The following CCDC73 variants were observed in gnomAD, a reference collection of about 807,000 sequenced individuals.
The protein encoded by CCDC73 is coiled-coil domain-containing protein 73.
CCDC73 carries 95 observed loss-of-function variants against 116.5 expected under a neutral mutation model. The ratio of observed to expected loss-of-function variants is 0.82; its 90% CI spans 0.69 to 0.97. The LOEUF (loss-of-function observed/expected upper bound fraction) is 0.97. CCDC73 is among the 50% of genes least tolerant of loss of function. The pLI, the probability that CCDC73 is intolerant of heterozygous loss-of-function variation, is 0.00. For synonymous variants in CCDC73, 398 were observed against 401.3 expected (o/e 0.99, Z 0.10); for missense variants, 1,066 against 1,206.8 (o/e 0.88, Z 1.73).
At chr11:32,722,982 A>G (rs551400958) in intron 2 of CCDC73, among the ~76,000 whole-genome samples, 2 of 152,324 alleles carry the variant, frequency 1.3e-5, no homozygotes, top group Admixed American at 1.3e-4. Flanking sequence ...ATCTGTCTCC[A>G]AAGTCTCTTA....
At chr11:32,830,082 G>T in the CCDC73 span, 3 of 989,662 alleles carry the variant, frequency 3.0e-6, no homozygotes, top group Non-Finnish European at 2.4e-6. Context: ...AGGTTTGAGG[G>T]CGCCGGAGAC....
At chr11:32,611,073 C>T in intron 17 of CCDC73, 59 bp downstream of exon 17, 2 of 1,567,084 alleles carry the variant, frequency 1.3e-6, no homozygotes, top group Non-Finnish European at 1.7e-6. Context: ...TACAGTTCTA[C>T]ACATATCTGT....
chr11:32,710,939 A>G (rs1849895463), intron 3 of CCDC73, among the ~76,000 whole-genome samples: 1 of 152,236 alleles, frequency 6.6e-6, no homozygotes, highest in Non-Finnish European at 1.5e-5. Context: ...CAGACAACCC[A>G]CAGAGTGGGA....
intron 1 of CCDC73, among the ~76,000 whole-genome samples, chr11:32,792,200 G>T (rs1850682881): frequency 1.3e-5 from 2 of 151,866 alleles, no homozygotes; most frequent in African/African-American, 2.4e-5. Context: ...GTCTAGTGCA[G>T]TAAAACTGTA....
At chr11:32,681,674 G>A (rs1856147011) in intron 7 of CCDC73, 1 of 152,050 alleles carries the variant, frequency 6.6e-6, no homozygotes, top group Non-Finnish European at 1.5e-5. Context: ...CTTCACACTA[G>A]TGGCTATCTT....
chr11:32,612,473 G>A (rs1241364155), intron 16 of CCDC73, among the ~76,000 whole-genome samples: 2 of 151,578 alleles, frequency 1.3e-5, no homozygotes, highest in East Asian at 1.9e-4. Context: ...TTTTCAGGCC[G>A]GGTGTGGTGG....
chr11:32,692,366 G>A (rs924420611), intron 6 of CCDC73, among the ~76,000 whole-genome samples: 20 of 152,086 alleles, frequency 1.3e-4, no homozygotes, highest in Non-Finnish European at 2.5e-4. Flanking sequence ...ATGCATAAAT[G>A]TATAAACTCA....
At chr11:32,666,447 G>A (rs1482320826) in intron 9 of CCDC73, among the ~76,000 whole-genome samples, 2 of 151,950 alleles carry the variant, frequency 1.3e-5, no homozygotes, top group African/African-American at 2.4e-5. Flanking sequence ...CCAGTTAATC[G>A]AATCGGCTAC....
rs1850693878 is a variant in CCDC73 at position 32,793,417 on chromosome 11, CT to C, written c.-16+1195del. Among the ~76,000 whole-genome samples, 29 of 152,104 alleles carry C rather than the reference CT, an allele frequency of 1.9e-4. 2 individuals are homozygous for C. On this transcript the variant is annotated intron_variant, in intron 1 of 17. Transcript: ENST00000335185. ...AGAGAGCCATAGGAATTTATCACAACTAAAGCAAAATAACCAATAATCATCA... is the reference window on the plus strand; with the variant it reads ...AGAGAGCCATAGGAATTTATCACAACAAAGCAAAATAACCAATAATCATCA...
intron 2 of CCDC73, among the ~76,000 whole-genome samples, chr11:32,725,914 G>A (rs970210805): frequency 2.0e-5 from 3 of 152,162 alleles, no homozygotes; most frequent in Non-Finnish European, 4.4e-5. Flanking sequence ...CGCCAAGGAG[G>A]AGGGACTCTG....
intron 9 of CCDC73, among the ~76,000 whole-genome samples, chr11:32,674,371 T>C (rs1856065400): frequency 6.6e-6 from 1 of 152,162 alleles, no homozygotes; most frequent in Non-Finnish European, 1.5e-5. Context: ...TATCATTCTC[T>C]ACAGAAAGAA....
intron 1 of CCDC73, among the ~76,000 whole-genome samples, chr11:32,790,335 T>C (rs1380755923): frequency 6.6e-6 from 1 of 152,236 alleles, no homozygotes; most frequent in African/African-American, 2.4e-5. Flanking sequence ...ACTATACTTA[T>C]TGTCAGATCA....
At chr11:32,701,758 T>A (rs1849815209) in intron 4 of CCDC73, among the ~76,000 whole-genome samples, 1 of 152,072 alleles carries the variant, frequency 6.6e-6, no homozygotes, top group South Asian at 2.1e-4. Context: ...AAAGGAAAAT[T>A]ATGAAATATT....
At chr11:32,745,116 A>G (rs922589349) in intron 2 of CCDC73, among the ~76,000 whole-genome samples, 9 of 152,072 alleles carry the variant, frequency 5.9e-5, no homozygotes, top group Admixed American at 6.5e-5. Context: ...CTTTGTTCTC[A>G]TTGGTTTCAA....
chr11:32,695,316 C>T (rs1359915010), intron 6 of CCDC73, among the ~76,000 whole-genome samples: 1 of 151,016 alleles, frequency 6.6e-6, no homozygotes, highest in Non-Finnish European at 1.5e-5. Flanking sequence ...TTGCAATGAG[C>T]CGAGATCGCG....
chr11:32,780,585 G>A (rs1386364076), intron 1 of CCDC73, among the ~76,000 whole-genome samples: 1 of 151,940 alleles, frequency 6.6e-6, no homozygotes, highest in Non-Finnish European at 1.5e-5. Context: ...TAAAAAACAA[G>A]AAAGAAAAGT....
Position 32,656,064 on chromosome 11 carries a change from T to TTTTTC in CCDC73, c.646-1097_646-1093dup, listed in dbSNP as rs551917507. Among the ~76,000 whole-genome samples the TTTTTC allele has an allele frequency of 6.7e-5, 10 of 148,314 alleles. No homozygotes were observed. The South Asian group carries it at 1.1e-3, about 16-fold the overall frequency. ...TGCTTCTCAGGTAGGCAGTGGGCAG[T>TTTTTC]TTTTCTTTTCTTTTCTTTTCTTTTT... On this transcript the variant is annotated intron_variant, in intron 9 of 17. Coordinates refer to ENST00000335185, the MANE Select transcript of CCDC73 (RefSeq NM_001008391.4).
chr11:32,672,178 C>A (rs972282906), intron 9 of CCDC73, among the ~76,000 whole-genome samples: 1 of 152,094 alleles, frequency 6.6e-6, no homozygotes, highest in Non-Finnish European at 1.5e-5. Flanking sequence ...CCCGTCTCTA[C>A]TAAAAATACA....
intron 2 of CCDC73, among the ~76,000 whole-genome samples, chr11:32,757,119 G>A (rs1045059914): frequency 3.3e-5 from 5 of 151,764 alleles, no homozygotes; most frequent in Middle Eastern, 3.4e-3. Context: ...TGATAAAAAC[G>A]AACTGACTAC....
Sources: allele counts gnomAD v4.1 joint callset (sites outside exome capture counted in the v4.1 genomes callset), GRCh38; gene constraint gnomAD v4.1.1; transcripts MANE v1.5; gene names NCBI Gene and HGNC (gene_info 2026-07-23, HGNC 2026-07-21).